DSE: variants seen among roughly 807,000 people sequenced by gnomAD.
DSE encodes dermatan-sulfate epimerase.
Under a neutral mutation model 84.4 loss-of-function variants are expected in DSE, and 36 were observed. The observed-to-expected ratio is 0.43, with a 90% CI of 0.33 to 0.56. The LOEUF is 0.56. DSE is among the 20% of genes least tolerant of loss of function. The probability of loss-of-function intolerance (pLI) is 0.06; values close to 1 mark genes in which losing one functional copy is unlikely to be tolerated. For missense variants in DSE, 862 were observed against 1,169.6 expected, an observed-to-expected ratio of 0.74 and a Z score of 3.84; for synonymous variants, 410 against 430.1, an observed-to-expected ratio of 0.95 and a Z score of 0.58.
intron 1 of DSE, among the ~76,000 whole-genome samples, chr6:116,380,453 GA>G (rs1271227948): frequency 6.6e-6 from 1 of 152,000 alleles, no homozygotes; most frequent in African/African-American, 2.4e-5. Context: ...GAGGGGGAAT[GA>G]ATTGGGTCTC....
At chr6:116,332,105 A>T (rs1776981950) in intron 2 of DSE, among the ~76,000 whole-genome samples, 1 of 152,238 alleles carries the variant, frequency 6.6e-6, no homozygotes, top group African/African-American at 2.4e-5. Context: ...CGACTTGTAG[A>T]TTTTAAAAAT....
intron 3 of DSE, among the ~76,000 whole-genome samples, chr6:116,427,729 G>A (rs1209961793): frequency 6.6e-6 from 1 of 152,156 alleles, no homozygotes; most frequent in Non-Finnish European, 1.5e-5. Context: ...GCTGGGATTT[G>A]GACCCACTTC....
At chr6:116,337,331 G>C (rs1368021706) in intron 2 of DSE, among the ~76,000 whole-genome samples, 1 of 152,206 alleles carries the variant, frequency 6.6e-6, no homozygotes, top group Non-Finnish European at 1.5e-5. Flanking sequence ...ATTAGAAATA[G>C]CTGGGCATGG....
chr6:116,282,442 T>A (rs1403218703), intron 2 of DSE, among the ~76,000 whole-genome samples: 1 of 152,198 alleles, frequency 6.6e-6, no homozygotes, highest in Non-Finnish European at 1.5e-5. Flanking sequence ...CATTATGTAA[T>A]TAATGTAATT....
chr6:116,315,741 C>G (rs1775933179), intron 2 of DSE, among the ~76,000 whole-genome samples: 1 of 152,168 alleles, frequency 6.6e-6, no homozygotes, highest in African/African-American at 2.4e-5. Context: ...GTGGCTCACG[C>G]CTGTAATCCC....
In DSE at chr6:116,399,779, G is replaced by A. The variant is rs1781485323; in HGVS notation, c.416+113G>A. On this transcript the variant is annotated intron_variant, in intron 2 of 5. Transcript: ENST00000644252. ...TGTACCTCTTTGTGTATGTGTGTGG[G>A]GGGAGGTGTTATTTGTTATTTGTGT... The A allele has an allele frequency of 2.0e-5, 21 of 1,039,938 alleles. No homozygotes were observed. The South Asian group carries it at 2.9e-4, about 15-fold the overall frequency. The allele number at this position is 1,039,938 out of a possible 1,614,324, so 64.4% of individuals were successfully genotyped here. A position where few individuals can be genotyped will look rare whatever the true frequency, so the allele number is the denominator to read the frequency against.
intron 2 of DSE, among the ~76,000 whole-genome samples, chr6:116,327,481 G>A (rs1367485405): frequency 6.6e-6 from 1 of 152,150 alleles, no homozygotes; most frequent in Non-Finnish European, 1.5e-5. Flanking sequence ...CACCTATGAT[G>A]TTGGGGTTTC....
At chr6:116,416,242 T>G (rs1346977482) in intron 2 of DSE, among the ~76,000 whole-genome samples, 1 of 152,130 alleles carries the variant, frequency 6.6e-6, no homozygotes, top group African/African-American at 2.4e-5. Context: ...CACAAGGTTT[T>G]AAATCATATC....
intron 2 of DSE, among the ~76,000 whole-genome samples, chr6:116,337,718 C>T (rs1380363944): frequency 6.6e-6 from 1 of 152,222 alleles, no homozygotes; most frequent in Admixed American, 6.5e-5. Flanking sequence ...TACAAAGAGT[C>T]TTGAGGTCAA....
upstream of DSE, chr6:116,370,018 TC>T (rs1347566465): frequency 8.5e-7 from 1 of 1,177,800 alleles, no homozygotes; most frequent in Non-Finnish European, 1.1e-6. Flanking sequence ...GGCAAAGTAT[TC>T]CTGAGGTGAT....
chr6:116,314,589 A>G (rs572840699), intron 2 of DSE, among the ~76,000 whole-genome samples: 1 of 152,308 alleles, frequency 6.6e-6, no homozygotes, highest in East Asian at 1.9e-4. Context: ...TCTGGCTCTA[A>G]AATGCTTTAA....
chr6:116,302,628 A>G (rs934686361), intron 2 of DSE, among the ~76,000 whole-genome samples: 4 of 152,052 alleles, frequency 2.6e-5, no homozygotes, highest in African/African-American at 7.2e-5. Flanking sequence ...TTGGCTGTGC[A>G]TAGTTCTTTA....
At chr6:116,264,614 T>C (rs1354332711) in intron 2 of DSE, among the ~76,000 whole-genome samples, 2 of 152,170 alleles carry the variant, frequency 1.3e-5, no homozygotes, top group Non-Finnish European at 2.9e-5. Flanking sequence ...TTACTGGAGA[T>C]GTGAGCCCAT....
intron 3 of DSE, among the ~76,000 whole-genome samples, chr6:116,429,138 A>G (rs1177598552): frequency 1.3e-5 from 2 of 152,202 alleles, no homozygotes; most frequent in Non-Finnish European, 2.9e-5. Flanking sequence ...AGAATTTTAA[A>G]CCAGAATGGT....
intron 2 of DSE, chr6:116,278,460 C>A: frequency 6.2e-7 from 1 of 1,610,906 alleles, no homozygotes; most frequent in East Asian, 2.2e-5. Context: ...TGCCCAAGCA[C>A]AGGTCCAGCA....
At chr6:116,310,188 A>G (rs150384144) in intron 2 of DSE, among the ~76,000 whole-genome samples, 5 of 152,252 alleles carry the variant, frequency 3.3e-5, no homozygotes, top group South Asian at 2.1e-4. Flanking sequence ...GGAACCCTAC[A>G]TTCTTTATTT....
At chr6:116,275,018 A>G (rs1392808317) in intron 2 of DSE, among the ~76,000 whole-genome samples, 2 of 152,246 alleles carry the variant, frequency 1.3e-5, no homozygotes, top group Non-Finnish European at 2.9e-5. Flanking sequence ...TTTTAACACA[A>G]TGTCAAAAAT....
intron 2 of DSE, among the ~76,000 whole-genome samples, chr6:116,357,531 CAA>C (rs1221843851): frequency 4.6e-5 from 6 of 129,384 alleles, no homozygotes; most frequent in Admixed American, 8.0e-5. Flanking sequence ...GACTCCATCT[CAA>C]AAAAAAAAAA....
At chr6:116,312,961 A>G (rs1775777003) in intron 2 of DSE, among the ~76,000 whole-genome samples, 1 of 152,186 alleles carries the variant, frequency 6.6e-6, no homozygotes, top group South Asian at 2.1e-4. Flanking sequence ...ATATATGTAT[A>G]TAGAAGTCTT....
Sources: gnomAD v4.1 joint callset for allele counts (sites outside exome capture counted in the v4.1 genomes callset) on GRCh38, gnomAD v4.1.1 for gene constraint, MANE v1.5 for transcripts, NCBI Gene and HGNC (gene_info 2026-07-23, HGNC 2026-07-21) for gene names.